Variants in APOM observed in about 807,000 individuals in gnomAD.
APOM encodes apolipoprotein M, also known as NG20-like protein.
Under a neutral mutation model 23.5 loss-of-function variants are expected in APOM, and 24 were observed. The ratio of observed to expected loss-of-function variants is 1.02; its 90% CI spans 0.74 to 1.44. The LOEUF is 1.44. APOM is among the 40% of genes most tolerant of loss of function. The pLI is 0.00. For synonymous variants in APOM, 82 were observed against 84.1 expected, an observed-to-expected ratio of 0.97 and a Z score of 0.14; for missense variants, 200 against 233.2, an observed-to-expected ratio of 0.86 and a Z score of 0.93.
chr6:31,654,028 C>T (rs1422312954), upstream of APOM, among the ~76,000 whole-genome samples: 1 of 151,808 alleles, frequency 6.6e-6, no homozygotes, highest in Non-Finnish European at 1.5e-5. Context: ...GGGTGGATCA[C>T]GAGGTCAGGA....
chr6:31,655,883 G>T, upstream of APOM: 1 of 888,238 alleles, frequency 1.1e-6, no homozygotes, highest in Non-Finnish European at 1.8e-6. Context: ...GAACGCAAGG[G>T]AGCTGAAAGC....
chr6:31,657,522 G>A (rs748877177), intron 4 of APOM, 44 bp downstream of exon 4: 1 of 1,608,142 alleles, frequency 6.2e-7, no homozygotes, highest in South Asian at 1.1e-5. Flanking sequence ...GGAAACAAGG[G>A]AGGGCAGGAG....
At position 31,655,923 on chromosome 6, in the gene APOM, G is replaced by T; in HGVS notation, c.-44G>T. The T allele has an allele frequency of 7.4e-7, 1 of 1,354,592 alleles. No individual in the cohort carries two copies. The highest frequency in any genetic ancestry group is 2.4e-5 in the East Asian group (1 of 40,830). 83.9% of individuals were successfully genotyped at this position (1,354,592 alleles called of 1,614,324 possible). On this transcript the variant is annotated 5_prime_UTR_variant, in exon 1 of 6. Coordinates refer to ENST00000375916, the MANE Select transcript of APOM (RefSeq NM_019101.3). Reference sequence around the variant, plus strand: ...TGGACTGAGCAGCCAGTAGGGGAGAGAGCAGTTAAGGCACACAGAGCACCA... The same window carrying T: ...TGGACTGAGCAGCCAGTAGGGGAGATAGCAGTTAAGGCACACAGAGCACCA...
chr6:31,655,913 G>A lies in APOM; in HGVS notation c.-54G>A. ...GAAAGCAGAGTGGACTGAGCAGCCAGTAGGGGAGAGAGCAGTTAAGGCACA... is the reference window on the plus strand; with the variant it reads ...GAAAGCAGAGTGGACTGAGCAGCCAATAGGGGAGAGAGCAGTTAAGGCACA... On this transcript the variant is annotated 5_prime_UTR_variant, in exon 1 of 6. Coordinates refer to ENST00000375916, the MANE Select transcript of APOM (RefSeq NM_019101.3). 4 of 1,251,776 alleles carry A rather than the reference G, an allele frequency of 3.2e-6. No homozygotes were observed. The highest frequency in any genetic ancestry group is 4.6e-6 in the Non-Finnish European group (4 of 874,668). The allele number at this position is 1,251,776 out of a possible 1,614,324, so 77.5% of individuals were successfully genotyped here.
chr6:31,654,263 A>T (rs1799715830), upstream of APOM, among the ~76,000 whole-genome samples: 3 of 151,704 alleles, frequency 2.0e-5, no homozygotes, highest in Non-Finnish European at 2.9e-5. Context: ...AAAAAAAAAA[A>T]ATTCAAACAT....
At position 31,655,952 on chromosome 6, in the gene APOM, C is replaced by G; in HGVS notation, c.-15C>G. On this transcript the variant is annotated 5_prime_UTR_variant, in exon 1 of 6. Transcript: ENST00000375916. ...AGTTAAGGCACACAGAGCACCAGCT[C>G]CCTCCTGCCTGAAGATGTTCCACCA... 6.4e-7 allele frequency: 1 copy of G among 1,553,914 alleles called. No individual in the cohort carries two copies. The highest frequency in any genetic ancestry group is 8.8e-7 in the Non-Finnish European group (1 of 1,138,344).
chr6:31,656,009 A>G lies in APOM; in HGVS notation c.43A>G (p.Ile15Val). 6.2e-7 allele frequency: 1 copy of G among 1,600,836 alleles called. No homozygotes were observed. Among genetic ancestry groups the G allele is most frequent in the South Asian group, 1.1e-5 (1 of 88,806 alleles). The change falls in exon 1 of 6, where the codon ATT (isoleucine) becomes GTT (valine). Residue 15 changes from isoleucine to valine, a missense_variant. Ile to Val is a conservative substitution (Grantham distance 29). Transcript: ENST00000375916. ...IWAALLYFYG[I>V]ILNSIYQCPE... ...GGCAGCTCTGCTCTACTTCTATGGT[A>G]TTATCCTTAACTCCATCTACCAGTG...
upstream of APOM, among the ~76,000 whole-genome samples, chr6:31,653,987 G>A (rs1799548552): frequency 6.6e-6 from 1 of 152,080 alleles, no homozygotes; most frequent in Non-Finnish European, 1.5e-5. Context: ...TTTCGGCCGG[G>A]CGCAGTGACT....
At chr6:31,653,024 C>T, upstream of APOM, among the ~76,000 whole-genome samples, 1 of 152,218 alleles carries the variant, frequency 6.6e-6, no homozygotes, top group Admixed American at 6.5e-5. Flanking sequence ...TTGGGGGCGG[C>T]ACTGGTCAAT....
chr6:31,653,318 G>T (rs805298), upstream of APOM, among the ~76,000 whole-genome samples: 13,104 of 152,142 alleles, frequency 0.086, 957 homozygotes, highest in African/African-American at 0.2. Flanking sequence ...AGGCATTACC[G>T]CCTCTCCGTG....
At chr6:31,654,826 G>A (rs1018731711), upstream of APOM, among the ~76,000 whole-genome samples, 1 of 152,122 alleles carries the variant, frequency 6.6e-6, no homozygotes, top group Non-Finnish European at 1.5e-5. Flanking sequence ...TATATACTTT[G>A]GACTTACCAT....
In APOM at chr6:31,657,856, A is replaced by C. The variant is rs1240205332; in HGVS notation, c.541+133A>C. 3.0e-6 allele frequency: 3 copies of C among 1,013,890 alleles called. No individual in the cohort carries two copies. In the East Asian group the frequency reaches 7.2e-5, roughly 24 times the overall value. The allele number at this position is 1,013,890 out of a possible 1,614,324, so 62.8% of individuals were successfully genotyped here. A position where few individuals can be genotyped will look rare whatever the true frequency, so the allele number is the denominator to read the frequency against. Reference sequence around the variant, plus strand: ...TGTGATGTCACCTGAGGGAGGCAGGATGGGTTCTGGGCTACTCAAAAGAGA... The same window carrying C: ...TGTGATGTCACCTGAGGGAGGCAGGCTGGGTTCTGGGCTACTCAAAAGAGA... On this transcript the variant is annotated intron_variant, in intron 5 of 5. Transcript: ENST00000375916.
chr6:31,652,554 G>A (rs1798634309), upstream of APOM: 1 of 152,308 alleles, frequency 6.6e-6, no homozygotes, highest in African/African-American at 2.4e-5. Flanking sequence ...CCCAAACAGT[G>A]AGTTTCTGAG....
rs1474557489 is a variant in APOM, at chr6:31,655,981, T to C, written c.15T>C (p.Ile5=). MFHQ[I]WAALLYFYGI... is the part of the protein sequence containing the mutation. ...CCTGCCTGAAGATGTTCCACCAAAT[T>C]TGGGCAGCTCTGCTCTACTTCTATG... Residue 5 remains isoleucine (I), a synonymous_variant, in exon 1 of 6, where the codon ATT becomes ATC. Coordinates refer to ENST00000375916, the MANE Select transcript of APOM (RefSeq NM_019101.3). The C allele has an allele frequency of 1.9e-6, 3 of 1,598,440 alleles. No homozygotes were observed. In the African/African-American group the frequency reaches 4.0e-5, roughly 21 times the overall value.
At chr6:31,656,844 G>A (rs1424730835) in intron 2 of APOM, among the ~76,000 whole-genome samples, 3 of 152,200 alleles carry the variant, frequency 2.0e-5, no homozygotes, top group Non-Finnish European at 2.9e-5. Context: ...AAATACAATG[G>A]AGTAAATAGA....
chr6:31,653,730 G>A (rs1329052249), upstream of APOM, among the ~76,000 whole-genome samples: 1 of 152,116 alleles, frequency 6.6e-6, no homozygotes, highest in African/African-American at 2.4e-5. Context: ...CGCCCAGGCT[G>A]GAGTGCAGTG....
intron 1 of APOM, 119 bp from the exon 2 acceptor site, chr6:31,656,353 G>A: frequency 1.8e-6 from 2 of 1,117,484 alleles, no homozygotes; most frequent in Non-Finnish European, 2.6e-6. Context: ...ATCCCCAGTT[G>A]GAAAGAGGAA....
At chr6:31,654,366 G>A (rs1257231421), upstream of APOM, among the ~76,000 whole-genome samples, 2 of 152,020 alleles carry the variant, frequency 1.3e-5, no homozygotes, top group African/African-American at 4.8e-5. Context: ...TCAGCCCTCG[G>A]CAAATTTTTT....
At chr6:31,652,843 G>C (rs903837747), upstream of APOM, 1 of 152,454 alleles carries the variant, frequency 6.6e-6, no homozygotes, top group African/African-American at 2.4e-5. Flanking sequence ...CGGTCGTATG[G>C]ACCTTGGACT....
Sources: allele counts gnomAD v4.1 joint callset (sites outside exome capture counted in the v4.1 genomes callset), GRCh38; gene constraint gnomAD v4.1.1; transcripts MANE v1.5; gene names NCBI Gene and HGNC (gene_info 2026-07-23, HGNC 2026-07-21).